ERBB4: variants seen among roughly 807,000 people sequenced by gnomAD.
ERBB4 encodes erb-b2 receptor tyrosine kinase 4.
In ERBB4, 42 loss-of-function variants were observed where a neutral mutation model predicts 158.0. The ratio of observed to expected loss-of-function variants is 0.27; its 90% CI spans 0.21 to 0.34. The LOEUF (loss-of-function observed/expected upper bound fraction) is 0.34, where lower values mean the gene tolerates loss of function less well. Ranked by LOEUF, ERBB4 falls within the 10% of genes least tolerant of loss-of-function variation. The pLI, the probability that ERBB4 is intolerant of heterozygous loss-of-function variation, is 1.00. For missense variants in ERBB4, 1,333 were observed against 1,624.1 expected, an observed-to-expected ratio of 0.82 and a Z score of 3.08; for synonymous variants, 583 against 558.7, an observed-to-expected ratio of 1.04 and a Z score of -0.61.
chr2:212,510,040 T>C (rs1691421592), intron 1 of ERBB4, among the ~76,000 whole-genome samples: 1 of 151,378 alleles, frequency 6.6e-6, no homozygotes, highest in South Asian at 2.1e-4. Flanking sequence ...ACCACAGCTA[T>C]TTCAGTTCGC....
chr2:211,883,486 C>T (rs1447021681), intron 3 of ERBB4, among the ~76,000 whole-genome samples: 6 of 151,740 alleles, frequency 4.0e-5, no homozygotes, highest in Non-Finnish European at 7.4e-5. Flanking sequence ...AAACAAAATA[C>T]ATTACTCTTG....
chr2:211,846,467 C>T (rs543247495), intron 3 of ERBB4, among the ~76,000 whole-genome samples: 5 of 152,040 alleles, frequency 3.3e-5, no homozygotes, highest in African/African-American at 1.2e-4. Context: ...GATCCCTAGG[C>T]TAATGTCCTC....
intron 4 of ERBB4, among the ~76,000 whole-genome samples, chr2:211,757,359 T>C (rs867475966): frequency 3.3e-5 from 5 of 152,308 alleles, no homozygotes; most frequent in Middle Eastern, 3.4e-3. Context: ...ACTAAAAACA[T>C]TTATCGTTGG....
chr2:211,419,030 G>T (rs903576785), intron 25 of ERBB4, among the ~76,000 whole-genome samples: 4 of 152,104 alleles, frequency 2.6e-5, no homozygotes, highest in African/African-American at 7.2e-5. Flanking sequence ...AAAAGGTGTA[G>T]AGCAGATTTG....
chr2:211,932,998 C>T (rs2080217823), intron 3 of ERBB4, among the ~76,000 whole-genome samples: 1 of 151,934 alleles, frequency 6.6e-6, no homozygotes, highest in Admixed American at 6.6e-5. Flanking sequence ...TTAAATTATG[C>T]ACTGGTGATC....
chr2:211,891,394 C>T (rs1469314747), intron 3 of ERBB4, among the ~76,000 whole-genome samples: 214 of 86,114 alleles, frequency 2.5e-3, no homozygotes, highest in African/African-American at 5.1e-3. Context: ...ATCTCTGGGA[C>T]GCATTCAAAG....
chr2:211,657,162 T>A (rs2071246039), intron 16 of ERBB4, among the ~76,000 whole-genome samples: 1 of 152,008 alleles, frequency 6.6e-6, no homozygotes, highest in South Asian at 2.1e-4. Context: ...GAGCAAAAAA[T>A]ATTCTATTAA....
intron 19 of ERBB4, among the ~76,000 whole-genome samples, chr2:211,594,009 A>G (rs2068553197): frequency 6.6e-6 from 1 of 152,128 alleles, no homozygotes; most frequent in South Asian, 2.1e-4. Flanking sequence ...TCTATGTCCA[A>G]TCCTACTTCC....
chr2:211,496,948 CTA>C (rs2065483998), intron 20 of ERBB4, among the ~76,000 whole-genome samples: 1 of 151,964 alleles, frequency 6.6e-6, no homozygotes, highest in African/African-American at 2.4e-5. Flanking sequence ...CTCTTTTTTC[CTA>C]TATGTTTATG....
intron 3 of ERBB4, among the ~76,000 whole-genome samples, chr2:211,931,722 T>A (rs1401955000): frequency 6.6e-6 from 1 of 152,084 alleles, no homozygotes; most frequent in Non-Finnish European, 1.5e-5. Flanking sequence ...AGAATACGAA[T>A]CTTCTGGTTG....
intron 20 of ERBB4, among the ~76,000 whole-genome samples, chr2:211,512,961 G>A (rs1574643713): frequency 6.6e-6 from 1 of 152,086 alleles, no homozygotes; most frequent in Admixed American, 6.5e-5. Flanking sequence ...TTTTCATGAT[G>A]AGGTCAGGCT....
chr2:212,212,284 G>A (rs968566192), intron 1 of ERBB4, among the ~76,000 whole-genome samples: 5 of 152,144 alleles, frequency 3.3e-5, no homozygotes, highest in Admixed American at 2.0e-4. Context: ...CAAGCAAAGA[G>A]TCAAATCATG....
In ERBB4 at chr2:211,515,912, A is replaced by ATATTTTTT. The variant is rs35696520; in HGVS notation, c.2487+45990_2487+45991insAAAAAATA. On this transcript the variant is annotated intron_variant, in intron 20 of 27. Transcript: ENST00000342788. ...AAACATATATTATATATATATATAT[A>ATATTTTTT]TTTTTTTTTTTTTTTTTTTTGAGGC... 8.5e-4 allele frequency among the ~76,000 whole-genome samples: 67 copies of ATATTTTTT among 78,986 alleles called. 1 individual carries two copies. The highest frequency in any genetic ancestry group is 3.5e-3 in the African/African-American group (62 of 17,568). 51.8% of individuals were successfully genotyped at this position (78,986 alleles called of 152,430 possible).
intron 2 of ERBB4, among the ~76,000 whole-genome samples, chr2:212,072,741 G>A (rs751790247): frequency 3.9e-5 from 6 of 151,914 alleles, no homozygotes; most frequent in Non-Finnish European, 5.9e-5. Context: ...TAGATATTTA[G>A]TCAGTGGCTA....
At chr2:211,703,338 C>T (rs1374350053) in intron 11 of ERBB4, among the ~76,000 whole-genome samples, 2 of 152,100 alleles carry the variant, frequency 1.3e-5, no homozygotes, top group African/African-American at 2.4e-5. Flanking sequence ...TCTTATTAAG[C>T]TCCTTTCTCC....
chr2:212,029,167 T>C (rs527334157), intron 2 of ERBB4, among the ~76,000 whole-genome samples: 3 of 152,222 alleles, frequency 2.0e-5, no homozygotes, highest in Non-Finnish European at 4.4e-5. Flanking sequence ...GGTATAAATA[T>C]GACAGCAAAA....
At chr2:211,920,702 G>C (rs1360182904) in intron 3 of ERBB4, among the ~76,000 whole-genome samples, 1 of 140,948 alleles carries the variant, frequency 7.1e-6, no homozygotes, top group Non-Finnish European at 1.5e-5. Flanking sequence ...ATTTCTTGGA[G>C]AGCTGTGACT....
intron 3 of ERBB4, among the ~76,000 whole-genome samples, chr2:211,864,421 G>A (rs963496938): frequency 6.6e-6 from 1 of 152,152 alleles, no homozygotes; most frequent in African/African-American, 2.4e-5. Context: ...GTAACTCCAG[G>A]CTGCTTCAGG....
intron 2 of ERBB4, among the ~76,000 whole-genome samples, chr2:212,092,640 T>C (rs755010905): frequency 2.0e-5 from 3 of 152,212 alleles, no homozygotes; most frequent in Non-Finnish European, 2.9e-5. Flanking sequence ...CATTCCTGTA[T>C]AGTATAATTA....
Sources: allele counts gnomAD v4.1 joint callset (sites outside exome capture counted in the v4.1 genomes callset), GRCh38; gene constraint gnomAD v4.1.1; transcripts MANE v1.5; gene names NCBI Gene and HGNC (gene_info 2026-07-23, HGNC 2026-07-21).